Variants in COL28A1 observed in about 807,000 individuals in gnomAD.
COL28A1 encodes the protein collagen type XXVIII alpha 1 chain.
Under a neutral mutation model 150.2 loss-of-function variants are expected in COL28A1, and 161 were observed. That is an observed-to-expected ratio of 1.07 (90% CI 0.94 to 1.22). The LOEUF is 1.22. Ranked by LOEUF, COL28A1 falls within the 50% of genes most tolerant of loss-of-function variation. COL28A1 has a pLI of 0.00. For missense variants in COL28A1, 1,617 were observed against 1,388.3 expected (o/e 1.16, Z -2.62); for synonymous variants, 552 against 469.7 (o/e 1.18, Z -2.26).
At chr7:7,401,666 C>G (rs964420511) in intron 27 of COL28A1, among the ~76,000 whole-genome samples, 3 of 152,110 alleles carry the variant, frequency 2.0e-5, no homozygotes, top group Non-Finnish European at 4.4e-5. Flanking sequence ...CATCACCACC[C>G]TGCCCACACC....
intron 27 of COL28A1, among the ~76,000 whole-genome samples, chr7:7,413,417 A>G (rs1783893398): frequency 1.3e-5 from 2 of 152,192 alleles, no homozygotes; most frequent in Non-Finnish European, 2.9e-5. Context: ...TTGACTCTTC[A>G]CCAAACTTCT....
chr7:7,450,414 T>C (rs1212920791), intron 18 of COL28A1, among the ~76,000 whole-genome samples: 1 of 152,154 alleles, frequency 6.6e-6, no homozygotes, highest in Non-Finnish European at 1.5e-5. Flanking sequence ...AAATATAGAA[T>C]TTAAAACTTC....
intron 33 of COL28A1, among the ~76,000 whole-genome samples, chr7:7,370,302 C>A (rs557998210): frequency 6.6e-6 from 1 of 152,004 alleles, no homozygotes. Flanking sequence ...TGGGCATATG[C>A]GTATTTAGAA....
rs1780459995 is a variant in COL28A1 at position 7,358,662 on chromosome 7, C to T, written c.3349G>A (p.Glu1117Lys). ...CCTTGAATGCAGGTTTCTTGACATT[C>T]CTTTTCACTGTTGAATCTATTTCCT... ...GSGNRFNSEK[E>K]CQETCIQG The change falls in exon 35 of 35, where the codon GAA (glutamate) becomes AAA (lysine). Residue 1117 changes from glutamate (E) to lysine (K), a missense_variant. Transcript: ENST00000399429. 2.5e-6 allele frequency: 4 copies of T among 1,613,866 alleles called. No individual in the cohort carries two copies. The highest frequency in any genetic ancestry group is 1.6e-4 in the Middle Eastern group (1 of 6,080).
intron 33 of COL28A1, among the ~76,000 whole-genome samples, chr7:7,361,341 C>A (rs1780643602): frequency 6.6e-6 from 1 of 152,068 alleles, no homozygotes; most frequent in Non-Finnish European, 1.5e-5. Context: ...GATTTATAAT[C>A]CTTGGGTATA....
At chr7:7,477,046 T>C (rs1788945046) in intron 14 of COL28A1, 66 bp downstream of exon 14, 2 of 840,118 alleles carry the variant, frequency 2.4e-6, no homozygotes, top group South Asian at 2.8e-5. Flanking sequence ...GGACACATTT[T>C]TAAAATTTGT....
At chr7:7,414,871 A>C (rs2128305701) in intron 27 of COL28A1, among the ~76,000 whole-genome samples, 2 of 151,744 alleles carry the variant, frequency 1.3e-5, no homozygotes, top group South Asian at 2.1e-4. Flanking sequence ...ATCTAAATTC[A>C]CTCCATTGTG....
At chr7:7,358,850 G>A (rs2128276923) in intron 34 of COL28A1, 45 bp from the exon 35 acceptor site, 2 of 1,474,672 alleles carry the variant, frequency 1.4e-6, no homozygotes, top group South Asian at 1.2e-5. Flanking sequence ...TTCTTATACT[G>A]AAGACATGAA....
intron 33 of COL28A1, among the ~76,000 whole-genome samples, chr7:7,370,415 CAG>C: frequency 6.6e-6 from 1 of 152,256 alleles, no homozygotes; most frequent in East Asian, 1.9e-4. Context: ...TAGGTGAATT[CAG>C]AGTGTTGTGT....
At chr7:7,379,825 G>A (rs900305414) in intron 30 of COL28A1, among the ~76,000 whole-genome samples, 1 of 152,084 alleles carries the variant, frequency 6.6e-6, no homozygotes. Context: ...CATCTACTAT[G>A]GGCATCTTTC....
At chr7:7,504,513 G>C (rs1562855318) in intron 11 of COL28A1, among the ~76,000 whole-genome samples, 1 of 152,008 alleles carries the variant, frequency 6.6e-6, no homozygotes, top group East Asian at 1.9e-4. Context: ...AAAAGAGAGA[G>C]AGAAGAAGAA....
intron 18 of COL28A1, among the ~76,000 whole-genome samples, chr7:7,444,721 C>T (rs1024698258): frequency 2.4e-4 from 37 of 152,084 alleles, no homozygotes; most frequent in African/African-American, 8.9e-4. Flanking sequence ...CATCCTAACT[C>T]TTTGTACCTG....
rs1008711085 is a variant in COL28A1 at position 7,385,949 on chromosome 7, C to T, written c.2137-4337G>A. Among the ~76,000 whole-genome samples the T allele has an allele frequency of 1.1e-3, 175 of 152,298 alleles. 1 individual carries two copies. The highest frequency in any genetic ancestry group is 3.9e-3 in the African/African-American group (163 of 41,554). ...TGTCTGATCTTGGCAGAGGTGAATG[C>T]TATCCAATCAGACTTTTCAATGTAT... On this transcript the variant is annotated intron_variant, in intron 27 of 34. Coordinates refer to ENST00000399429, the MANE Select transcript of COL28A1 (RefSeq NM_001037763.3).
At chr7:7,402,373 T>C (rs190597122) in intron 27 of COL28A1, among the ~76,000 whole-genome samples, 1 of 152,240 alleles carries the variant, frequency 6.6e-6, no homozygotes, top group Admixed American at 6.5e-5. Flanking sequence ...GTGTGTGGTA[T>C]ATGGATTCAA....
intron 5 of COL28A1, among the ~76,000 whole-genome samples, chr7:7,520,680 G>A (rs1317068460): frequency 1.3e-5 from 2 of 152,088 alleles, no homozygotes; most frequent in Non-Finnish European, 1.5e-5. Context: ...ATGGTGTTGG[G>A]GGTACTCGAT....
At chr7:7,455,936 T>G in intron 16 of COL28A1, 108 bp downstream of exon 16, 2 of 1,440,184 alleles carry the variant, frequency 1.4e-6, no homozygotes, top group Non-Finnish European at 1.9e-6. Flanking sequence ...TCCACTGCAA[T>G]TAACTGTCAA....
chr7:7,532,828 A>C lies in COL28A1; in HGVS notation c.48T>G (p.Phe16Leu). The C allele has an allele frequency of 6.2e-7, 1 of 1,612,236 alleles. No individual in the cohort carries two copies. Among genetic ancestry groups the C allele is most frequent in the Non-Finnish European group, 8.5e-7 (1 of 1,179,252 alleles). ...TTTGTCCGGATACTGTTTGACTCGT[A>C]AACGCTGACAAAAGCAGGAGATAGA... ...FVFYLLLLSA[F>L]TSQTVSGQRK... The change falls in exon 2 of 35, where the codon TTT (phenylalanine) becomes TTG (leucine). Residue 16 changes from phenylalanine to leucine, a missense_variant. Coordinates refer to ENST00000399429, the MANE Select transcript of COL28A1 (RefSeq NM_001037763.3).
intron 23 of COL28A1, 67 bp from the exon 24 acceptor site, chr7:7,432,767 A>AT: frequency 8.1e-7 from 1 of 1,233,906 alleles, no homozygotes; most frequent in Non-Finnish European, 1.2e-6. Context: ...AAACTTAAGC[A>AT]TAACACCAAC....
rs919180415 is a variant in COL28A1, at chr7:7,373,900, C to T, written c.2360-354G>A. 5.3e-5 allele frequency among the ~76,000 whole-genome samples: 8 copies of T among 151,000 alleles called. No homozygotes were observed. The highest frequency in any genetic ancestry group is 2.1e-4 in the South Asian group (1 of 4,796). On this transcript the variant is annotated intron_variant, in intron 31 of 34. Transcript: ENST00000399429. This position sits in a 1 kb window ranked among gnomAD's most constrained non-coding sequence, Gnocchi z 4.1. ...ATTTTTAGTAGAGACAGGGTTTCAC[C>T]GTGTTAGCCAAGATGGTCTCGATCT...
Sources: gnomAD v4.1 joint callset for allele counts (sites outside exome capture counted in the v4.1 genomes callset) on GRCh38, gnomAD v4.1.1 for gene constraint, Gnocchi (gnomAD v3.1) non-coding constraint, MANE v1.5 for transcripts, NCBI Gene and HGNC (gene_info 2026-07-23, HGNC 2026-07-21) for gene names.